KIF16B: variants seen among roughly 807,000 people sequenced by gnomAD.
KIF16B encodes the protein kinesin family member 16B, also known as kinesin-like protein KIF16B.
In KIF16B, 98 loss-of-function variants were observed where a neutral mutation model predicts 156.3. That is an observed-to-expected ratio of 0.63 (90% CI 0.53 to 0.74). The LOEUF is 0.74. KIF16B is among the 30% of genes least tolerant of loss of function. KIF16B has a pLI of 0.00. For synonymous variants in KIF16B, 564 were observed against 583.7 expected, an observed-to-expected ratio of 0.97 and a Z score of 0.49; for missense variants, 1,421 against 1,606.5, an observed-to-expected ratio of 0.88 and a Z score of 1.97.
chr20:16,381,584 C>A lies in KIF16B; in HGVS notation c.1838+110G>T. 1.7e-5 allele frequency: 11 copies of A among 657,458 alleles called. No homozygotes were observed. In the South Asian group the frequency reaches 3.2e-4, roughly 19 times the overall value. The allele number at this position is 657,458 out of a possible 1,614,324, so 40.7% of individuals were successfully genotyped here. On this transcript the variant is annotated intron_variant, in intron 18 of 25. Transcript: ENST00000354981. The stretch of plus-strand genomic sequence containing the variant: ...AGACATGTAAATAACAGATAACAGA[C>A]ACAGAGCAAGGGGGAAGTATTGAAG...
At position 16,404,836 on chromosome 20, in the gene KIF16B, A is replaced by G. The variant is rs963980540; in HGVS notation, c.1761T>C (p.Ser587=). The G allele has an allele frequency of 2.5e-6, 4 of 1,613,306 alleles. No homozygotes were observed. The African/African-American group carries it at 5.3e-5, about 22-fold the overall frequency. Residue 587 remains serine, a synonymous_variant, in exon 17 of 26, where the codon TCT becomes TCC. Coordinates refer to ENST00000354981, the MANE Select transcript of KIF16B (RefSeq NM_024704.5). The part of the protein sequence containing the change: ...TDLSKSRENL[S]AVMLYNPGLE... ...ACCCGGGGTTATACAACATGACTGC[A>G]GACAGGTTCTCACGGGACTTCGAGA...
chr20:16,386,981 G>A lies in KIF16B; in HGVS notation c.1785-5234C>T, dbSNP rs528276900. ...GTACAGGTAGGGGCAGTTAGTCTGA[G>A]AAAGGCAAAAGGGGAGTTTTTTCAT... On this transcript the variant is annotated intron_variant, in intron 17 of 25. Transcript: ENST00000354981. Among the ~76,000 whole-genome samples the A allele has an allele frequency of 8.5e-5, 13 of 152,264 alleles. 1 individual carries two copies. The South Asian group carries it at 1.2e-3, about 15-fold the overall frequency.
At chr20:16,313,245 AT>A (rs1568840944) in intron 24 of KIF16B, among the ~76,000 whole-genome samples, 1 of 152,188 alleles carries the variant, frequency 6.6e-6, no homozygotes, top group Non-Finnish European at 1.5e-5. Context: ...GACCAGACAA[AT>A]TGAAGCCAAT....
chr20:16,393,491 A>G (rs2065420232), intron 17 of KIF16B, among the ~76,000 whole-genome samples: 1 of 152,240 alleles, frequency 6.6e-6, no homozygotes, highest in Admixed American at 6.5e-5. Flanking sequence ...CTGACTTGGA[A>G]GCCAGCCATT....
rs545595190 is a variant in KIF16B, at chr20:16,508,290, C to T, written c.557-190G>A. Among the ~76,000 whole-genome samples the T allele has an allele frequency of 1.4e-4, 21 of 152,334 alleles. No homozygotes were observed. In the South Asian group the frequency reaches 3.7e-3, roughly 27 times the overall value. ...GGGTGGCTGGGGCCGAATCCCAGCTCTGCTGCTTACTAGCCGTGGACTTAC... is the reference window on the plus strand; with the variant it reads ...GGGTGGCTGGGGCCGAATCCCAGCTTTGCTGCTTACTAGCCGTGGACTTAC... On this transcript the variant is annotated intron_variant, in intron 6 of 25. Coordinates refer to ENST00000354981, the MANE Select transcript of KIF16B (RefSeq NM_024704.5).
chr20:16,392,685 A>G (rs2065397432), intron 17 of KIF16B, among the ~76,000 whole-genome samples: 1 of 152,246 alleles, frequency 6.6e-6, no homozygotes, highest in South Asian at 2.1e-4. Flanking sequence ...CAGAGGTCTC[A>G]GAGCACCAGC....
intron 3 of KIF16B, among the ~76,000 whole-genome samples, chr20:16,524,737 T>G (rs1279505310): frequency 6.6e-6 from 1 of 152,214 alleles, no homozygotes; most frequent in African/African-American, 2.4e-5. Context: ...GTATGTTTAT[T>G]GCAGCACTAT....
In KIF16B at chr20:16,429,927, A is replaced by T; in HGVS notation, c.1358T>A (p.Leu453Gln). The change falls in exon 13 of 26, where the codon CTG becomes CAG. Residue 453 changes from leucine (L) to glutamine (Q), a missense_variant. Physicochemically the swap from Leu to Gln is moderately radical, Grantham distance 113. Coordinates refer to ENST00000354981, the MANE Select transcript of KIF16B (RefSeq NM_024704.5). The stretch of plus-strand genomic sequence containing the variant: ...ATCATCGATGCCAATCAAATGAGGC[A>T]GTTCAGAATCCAAAACAACTCCAAT... ...EGIGVVLDSE[L>Q]PHLIGIDDDL... 1 of 1,613,002 alleles carries T rather than the reference A, an allele frequency of 6.2e-7. No homozygotes were observed. Among genetic ancestry groups the T allele is most frequent in the East Asian group, 2.2e-5 (1 of 44,792 alleles).
At position 16,573,285 on chromosome 20, in the gene KIF16B, C is replaced by G. The variant is rs749578315; in HGVS notation, c.-10G>C. The G allele has an allele frequency of 1.2e-6, 2 of 1,609,650 alleles. No individual in the cohort carries two copies. The highest frequency in any genetic ancestry group is 1.7e-6 in the Non-Finnish European group (2 of 1,178,924). On this transcript the variant is annotated 5_prime_UTR_variant, in exon 1 of 26. Transcript: ENST00000354981. The stretch of plus-strand genomic sequence containing the variant: ...CCTTGACCGATGCCATCGCTCATCC[C>G]GAACCAGCCCGCGCGGGGTCCCACT...
chr20:16,537,090 C>A (rs187023249), intron 1 of KIF16B, among the ~76,000 whole-genome samples: 3 of 151,452 alleles, frequency 2.0e-5, no homozygotes, highest in Non-Finnish European at 2.9e-5. Context: ...CTCTCACACA[C>A]ACTCCATCGT....
chr20:16,334,834 C>G (rs6075048), intron 24 of KIF16B, among the ~76,000 whole-genome samples: 108,242 of 151,826 alleles, frequency 0.71, 39,425 homozygotes, highest in East Asian at 0.96. Flanking sequence ...GCTTCATGTA[C>G]AGCCTGTAGA....
chr20:16,438,581 T>C (rs2066710437), intron 12 of KIF16B, among the ~76,000 whole-genome samples: 1 of 152,148 alleles, frequency 6.6e-6, no homozygotes, highest in East Asian at 1.9e-4. Flanking sequence ...GTATTCTATT[T>C]TCCACATAGG....
intron 12 of KIF16B, among the ~76,000 whole-genome samples, chr20:16,484,375 C>T (rs1320569600): frequency 3.3e-5 from 5 of 152,210 alleles, no homozygotes; most frequent in Admixed American, 3.3e-4. Flanking sequence ...TGACAGTCAT[C>T]TCCCCCTGTT....
At chr20:16,429,475 C>T (rs529611297) in intron 13 of KIF16B, among the ~76,000 whole-genome samples, 2 of 152,246 alleles carry the variant, frequency 1.3e-5, no homozygotes, top group East Asian at 3.9e-4. Flanking sequence ...CTGCTTGGAA[C>T]CAAGCCCAAT....
intron 20 of KIF16B, 115 bp downstream of exon 20, chr20:16,374,142 G>GT (rs1375032144): frequency 2.0e-6 from 2 of 1,018,594 alleles, no homozygotes; most frequent in Non-Finnish European, 2.7e-6. Flanking sequence ...TCAAGCACGT[G>GT]TATTACTTGT....
chr20:16,420,308 A>T (rs958943848), intron 15 of KIF16B, among the ~76,000 whole-genome samples: 1 of 152,304 alleles, frequency 6.6e-6, no homozygotes, highest in African/African-American at 2.4e-5. Context: ...ATACAGAAAT[A>T]GAATTTGCCC....
chr20:16,501,545 T>C (rs1456104549), intron 10 of KIF16B, among the ~76,000 whole-genome samples: 1 of 151,704 alleles, frequency 6.6e-6, no homozygotes, highest in Non-Finnish European at 1.5e-5. Flanking sequence ...TAAAAACATC[T>C]AGAGGAAAGT....
Position 16,272,645 on chromosome 20 carries a change from C to T in KIF16B, c.*608G>A, listed in dbSNP as rs2063000321. On this transcript the variant is annotated 3_prime_UTR_variant, in exon 26 of 26. Coordinates refer to ENST00000354981, the MANE Select transcript of KIF16B (RefSeq NM_024704.5). ...CCAATTTGTCAAGCATGGAAGACTA[C>T]AGTCATGATTGGATCAAAAAATCCC... 1 of 152,408 alleles carries T rather than the reference C, an allele frequency of 6.6e-6. No homozygotes were observed. Among genetic ancestry groups the T allele is most frequent in the Non-Finnish European group, 1.5e-5 (1 of 68,016 alleles). The allele number at this position is 152,408 out of a possible 1,614,324, so 9.4% of individuals were successfully genotyped here.
intron 12 of KIF16B, among the ~76,000 whole-genome samples, chr20:16,492,017 C>A (rs1392220627): frequency 6.6e-6 from 1 of 152,174 alleles, no homozygotes; most frequent in East Asian, 1.9e-4. Flanking sequence ...CAGCCTCCTG[C>A]CCACCATGAG....
Sources: allele counts gnomAD v4.1 joint callset (sites outside exome capture counted in the v4.1 genomes callset), GRCh38; gene constraint gnomAD v4.1.1; transcripts MANE v1.5; gene names NCBI Gene and HGNC (gene_info 2026-07-23, HGNC 2026-07-21).